The following SPAG16 variants were observed in gnomAD, a reference collection of about 807,000 sequenced individuals.
SPAG16 encodes sperm-associated antigen 16 protein.
A neutral mutation model predicts 80.4 loss-of-function variants in SPAG16; 86 were observed. The ratio of observed to expected loss-of-function variants is 1.07; its 90% CI spans 0.90 to 1.28. SPAG16 has a LOEUF of 1.28. Ranked by LOEUF, SPAG16 falls within the 50% of genes most tolerant of loss-of-function variation. SPAG16 has a pLI of 0.00. For synonymous variants in SPAG16, 294 were observed against 265.9 expected, an observed-to-expected ratio of 1.11 and a Z score of -1.03; for missense variants, 870 against 765.3, an observed-to-expected ratio of 1.14 and a Z score of -1.61.
chr2:213,758,259 A>C (rs2068452939), intron 10 of SPAG16: 1 of 152,830 alleles, frequency 6.5e-6, no homozygotes, highest in Non-Finnish European at 1.5e-5. Context: ...TCTCAGTAAG[A>C]GGGAGAATCT....
Position 214,054,199 on chromosome 2 carries a change from G to A in SPAG16, c.1527+40122G>A, listed in dbSNP as rs544873955. Among the ~76,000 whole-genome samples, 177 of 152,140 alleles carry A rather than the reference G, an allele frequency of 1.2e-3. 1 individual carries two copies. Among genetic ancestry groups the A allele is most frequent in the African/African-American group, 4.0e-3 (168 of 41,528 alleles). On this transcript the variant is annotated intron_variant, in intron 13 of 15. Transcript: ENST00000331683. ...TAATTTTTGTATCTTTAGTATAGAC[G>A]GGGTTTTGCCGTATTGGCCAGGCTG... is the stretch of plus-strand genomic sequence containing the variant.
intron 15 of SPAG16, among the ~76,000 whole-genome samples, chr2:214,211,343 A>G (rs1329045597): frequency 6.6e-6 from 1 of 152,160 alleles, no homozygotes; most frequent in African/African-American, 2.4e-5. Flanking sequence ...TTCTCAAATG[A>G]TTTTGAAGTG....
At chr2:213,761,779 T>G (rs570529796) in intron 10 of SPAG16, among the ~76,000 whole-genome samples, 8 of 152,040 alleles carry the variant, frequency 5.3e-5, no homozygotes, top group African/African-American at 1.9e-4. Flanking sequence ...GGCAGGAGAA[T>G]GGCATGAACC....
intron 1 of SPAG16, among the ~76,000 whole-genome samples, chr2:213,290,996 G>A (rs2062247199): frequency 6.6e-6 from 1 of 152,118 alleles, no homozygotes; most frequent in African/African-American, 2.4e-5. Context: ...TCAGGCTTTG[G>A]AACCAGATAT....
intron 10 of SPAG16, among the ~76,000 whole-genome samples, chr2:213,716,678 C>G (rs960840464): frequency 2.0e-5 from 3 of 152,158 alleles, no homozygotes; most frequent in Non-Finnish European, 4.4e-5. Flanking sequence ...TAACTACCTT[C>G]AAGTTTAGCC....
At chr2:213,725,889 G>T (rs2066747472) in intron 10 of SPAG16, among the ~76,000 whole-genome samples, 1 of 152,226 alleles carries the variant, frequency 6.6e-6, no homozygotes. Context: ...GAGCAGTTAG[G>T]TCACTGTGTT....
intron 9 of SPAG16, among the ~76,000 whole-genome samples, chr2:213,458,320 G>C (rs1228027855): frequency 6.6e-6 from 1 of 151,838 alleles, no homozygotes; most frequent in Non-Finnish European, 1.5e-5. Flanking sequence ...GTAGTCACAG[G>C]ACTTTGGTAG....
chr2:213,533,167 G>T (rs1219830751), intron 10 of SPAG16, among the ~76,000 whole-genome samples: 2 of 152,114 alleles, frequency 1.3e-5, no homozygotes, highest in East Asian at 3.9e-4. Context: ...ATGCATGAAT[G>T]GATGTCAAAT....
chr2:214,018,834 A>G (rs1167756865), intron 13 of SPAG16, among the ~76,000 whole-genome samples: 2 of 152,134 alleles, frequency 1.3e-5, no homozygotes. Context: ...CCACTCTCAA[A>G]CATATACTCG....
chr2:213,616,388 G>A (rs1235807233), intron 10 of SPAG16, among the ~76,000 whole-genome samples: 4 of 152,176 alleles, frequency 2.6e-5, no homozygotes, highest in South Asian at 2.1e-4. Flanking sequence ...CTCTGCAGGA[G>A]GCCTTTTAAA....
chr2:213,886,726 T>C (rs2076569796), intron 11 of SPAG16, among the ~76,000 whole-genome samples: 1 of 151,792 alleles, frequency 6.6e-6, no homozygotes, highest in Non-Finnish European at 1.5e-5. Context: ...GCATATGACT[T>C]ATAAACCGTT....
chr2:213,608,466 T>C (rs2061338642), intron 10 of SPAG16, among the ~76,000 whole-genome samples: 1 of 152,186 alleles, frequency 6.6e-6, no homozygotes, highest in Non-Finnish European at 1.5e-5. Flanking sequence ...GAATGATGGT[T>C]TCCAGCTTCA....
At chr2:213,625,937 G>A (rs139498637) in intron 10 of SPAG16, among the ~76,000 whole-genome samples, 9,716 of 151,874 alleles carry the variant, frequency 0.064, 899 homozygotes, top group African/African-American at 0.21. Flanking sequence ...TTATCCACCC[G>A]CCTCGGTCTC....
At chr2:213,976,527 A>AT (rs2045416484) in intron 12 of SPAG16, among the ~76,000 whole-genome samples, 1 of 152,074 alleles carries the variant, frequency 6.6e-6, no homozygotes, top group South Asian at 2.1e-4. Flanking sequence ...TGACTATAAA[A>AT]TAGGGATATT....
chr2:213,388,216 C>T (rs1559078968), intron 9 of SPAG16, among the ~76,000 whole-genome samples: 1 of 152,198 alleles, frequency 6.6e-6, no homozygotes, highest in Non-Finnish European at 1.5e-5. Context: ...CTGCAAATAT[C>T]AGGGATCTGT....
intron 10 of SPAG16, among the ~76,000 whole-genome samples, chr2:213,742,980 T>G (rs1023928711): frequency 4.6e-5 from 7 of 152,062 alleles, no homozygotes; most frequent in African/African-American, 1.4e-4. Flanking sequence ...CTCCACTCAC[T>G]GCGAGCTCCA....
At position 213,448,193 on chromosome 2, in the gene SPAG16, C is replaced by T. The variant is rs150348377; in HGVS notation, c.943-41770C>T. On this transcript the variant is annotated intron_variant, in intron 9 of 15. Coordinates refer to ENST00000331683, the MANE Select transcript of SPAG16 (RefSeq NM_024532.5). ...AGATCGGCTAATGAGTCTCGAACATCGCATGCAAATGCAGTGCAATTGGAA... is the reference window on the plus strand; with the variant it reads ...AGATCGGCTAATGAGTCTCGAACATTGCATGCAAATGCAGTGCAATTGGAA... Among the ~76,000 whole-genome samples, 587 of 152,344 alleles carry T rather than the reference C, an allele frequency of 3.9e-3. 15 individuals are homozygous for T. In the East Asian group the frequency reaches 0.041, roughly 11 times the overall value.
In SPAG16 at chr2:213,319,211, A is replaced by G. The variant is rs1450850443; in HGVS notation, c.536+1855A>G. ...CTTAAAGAATCATATTAAAACCAAA[A>G]TTAGATTAATGGAACTACCATATAG... On this transcript the variant is annotated intron_variant, in intron 5 of 15. Coordinates refer to ENST00000331683, the MANE Select transcript of SPAG16 (RefSeq NM_024532.5). 2.0e-5 allele frequency among the ~76,000 whole-genome samples: 3 copies of G among 152,086 alleles called. No homozygotes were observed. The East Asian group carries it at 5.8e-4, about 29-fold the overall frequency.
intron 10 of SPAG16, among the ~76,000 whole-genome samples, chr2:213,739,969 A>G (rs2067471339): frequency 1.3e-5 from 2 of 152,194 alleles, no homozygotes; most frequent in African/African-American, 4.8e-5. Context: ...TTGAATTTCA[A>G]ATACATTTGG....
Sources: allele counts gnomAD v4.1 joint callset (sites outside exome capture counted in the v4.1 genomes callset), GRCh38; gene constraint gnomAD v4.1.1; transcripts MANE v1.5; gene names NCBI Gene and HGNC (gene_info 2026-07-23, HGNC 2026-07-21).